Variants in EFR3A observed in about 807,000 individuals in gnomAD.
EFR3A encodes the protein EFR3 homolog A.
EFR3A carries 76 observed loss-of-function variants against 104.4 expected under a neutral mutation model. That is an observed-to-expected ratio of 0.73 (90% CI 0.60 to 0.88). The LOEUF (loss-of-function observed/expected upper bound fraction) is 0.88, where lower values mean the gene tolerates loss of function less well. Ranked by LOEUF, EFR3A falls within the 40% of genes least tolerant of loss-of-function variation. The pLI is 0.00. For synonymous variants in EFR3A, 330 were observed against 330.0 expected (o/e 1.00, Z 0.00); for missense variants, 985 against 1,012.5 (o/e 0.97, Z 0.37).
intron 18 of EFR3A, 48 bp downstream of exon 18, chr8:131,987,750 A>G: frequency 6.5e-7 from 1 of 1,529,914 alleles, no homozygotes; most frequent in Non-Finnish European, 8.8e-7. Context: ...TGCTTATGTT[A>G]TAGTAAATTT....
chr8:132,000,942 C>G (rs768925788), intron 19 of EFR3A: 4 of 152,268 alleles, frequency 2.6e-5, no homozygotes, highest in South Asian at 4.2e-4. Context: ...AGTCTTGCTG[C>G]CTTAGACTTA....
rs761308218 is a variant in EFR3A at position 131,986,252 on chromosome 8, A to G, written c.1928A>G (p.Asp643Gly). 1 of 1,568,378 alleles carries G rather than the reference A, an allele frequency of 6.4e-7. No homozygotes were observed. The highest frequency in any genetic ancestry group is 8.8e-7 in the Non-Finnish European group (1 of 1,141,662). Residue 643 changes from aspartate (D) to glycine (G), a missense_variant, in exon 17 of 23, where the codon GAT (aspartate) becomes GGT (glycine). Transcript: ENST00000254624. Reference protein sequence around the residue: ...PYFLPEHIFRDKCMLPKSLEK... With the variant: ...PYFLPEHIFRGKCMLPKSLEK... ...TTTCTACCAGAGCATATCTTCAGAG[A>G]TAAGTGCATGTATGTTAATTCTTTA...
At chr8:131,911,904 G>A (rs952777855) in intron 1 of EFR3A, among the ~76,000 whole-genome samples, 1 of 152,160 alleles carries the variant, frequency 6.6e-6, no homozygotes, top group Non-Finnish European at 1.5e-5. Context: ...AAACAAGGTA[G>A]GTCAGGTAAT....
At chr8:131,962,818 A>C (rs1819454191) in intron 8 of EFR3A, among the ~76,000 whole-genome samples, 1 of 152,236 alleles carries the variant, frequency 6.6e-6, no homozygotes. Flanking sequence ...CATAGTTGGA[A>C]GTAAAGCACT....
At chr8:131,985,088 T>A (rs1311933929) in intron 16 of EFR3A, 28 bp downstream of exon 16, 1 of 1,578,652 alleles carries the variant, frequency 6.3e-7, no homozygotes, top group Non-Finnish European at 8.6e-7. Flanking sequence ...GTCCTTAAAC[T>A]TGAATTTTGT....
intron 10 of EFR3A, among the ~76,000 whole-genome samples, chr8:131,971,356 T>TA (rs992663067): frequency 6.6e-6 from 1 of 152,176 alleles, no homozygotes; most frequent in African/African-American, 2.4e-5. Context: ...CCCACTTTTT[T>TA]AAAAATAGAA....
At position 132,003,257 on chromosome 8, in the gene EFR3A, C is replaced by T. The variant is rs139120454; in HGVS notation, c.2332C>T (p.Leu778Phe). The T allele has an allele frequency of 6.2e-6, 10 of 1,612,556 alleles. No homozygotes were observed. The African/African-American group carries it at 1.2e-4, about 19-fold the overall frequency. ...ESKANLLHDR[L>F]AQILELTIRP... Reference sequence around the variant, plus strand: ...GCAGGCAAATTTGCTTCATGATAGACTTGCCCAAATATTGGAACTCACCAT... The same window carrying T: ...GCAGGCAAATTTGCTTCATGATAGATTTGCCCAAATATTGGAACTCACCAT... Residue 778 changes from leucine to phenylalanine, a missense_variant, in exon 22 of 23, where the codon CTT (leucine) becomes TTT (phenylalanine). Physicochemically the swap from Leu to Phe is conservative, Grantham distance 22. Coordinates refer to ENST00000254624, the MANE Select transcript of EFR3A (RefSeq NM_015137.6).
At chr8:131,939,115 G>A (rs544998919) in intron 1 of EFR3A, among the ~76,000 whole-genome samples, 114 of 152,138 alleles carry the variant, frequency 7.5e-4, no homozygotes, top group African/African-American at 2.5e-3. Flanking sequence ...TCCTCTTACT[G>A]CATTACTAAT....
intron 12 of EFR3A, among the ~76,000 whole-genome samples, chr8:131,977,400 C>G (rs1460503832): frequency 6.6e-6 from 1 of 152,108 alleles, no homozygotes; most frequent in Non-Finnish European, 1.5e-5. Context: ...ACCAAAGTCA[C>G]TGGGCTAAAA....
chr8:131,950,168 A>T, intron 5 of EFR3A, 78 bp downstream of exon 5: 1 of 1,388,070 alleles, frequency 7.2e-7, no homozygotes, highest in Non-Finnish European at 9.8e-7. Context: ...CATAATGATT[A>T]CCAGAGGAAA....
At chr8:131,976,788 T>C (rs543549311) in intron 11 of EFR3A, among the ~76,000 whole-genome samples, 1 of 152,156 alleles carries the variant, frequency 6.6e-6, no homozygotes, top group Non-Finnish European at 1.5e-5. Context: ...TTATATGATT[T>C]AATTTTCTTG....
chr8:132,011,392 A>C lies in EFR3A; in HGVS notation c.*497A>C. 1 of 986,050 alleles carries C rather than the reference A, an allele frequency of 1.0e-6. No individual in the cohort carries two copies. 61.1% of individuals were successfully genotyped at this position (986,050 alleles called of 1,614,324 possible). A position where few individuals can be genotyped will look rare whatever the true frequency, so the allele number is the denominator to read the frequency against. On this transcript the variant is annotated 3_prime_UTR_variant, in exon 23 of 23. Transcript: ENST00000254624. Reference sequence around the variant, plus strand: ...GCTTTTTGTCCCCATGCTTTAGATAAGCTGGGATAGGCACCTTGCTATTCA... The same window carrying C: ...GCTTTTTGTCCCCATGCTTTAGATACGCTGGGATAGGCACCTTGCTATTCA...
intron 1 of EFR3A, among the ~76,000 whole-genome samples, chr8:131,931,203 G>A (rs1817591510): frequency 6.6e-6 from 1 of 152,002 alleles, no homozygotes; most frequent in Admixed American, 6.6e-5. Flanking sequence ...TTCTTCAGAG[G>A]GCTCATAGGC....
chr8:131,919,458 A>T (rs1236392972), intron 1 of EFR3A, among the ~76,000 whole-genome samples: 2 of 151,928 alleles, frequency 1.3e-5, no homozygotes, highest in Non-Finnish European at 2.9e-5. Context: ...TTAGCCGGGT[A>T]TGGTGGCGGG....
At chr8:132,007,283 G>A (rs1228514315) in intron 22 of EFR3A, among the ~76,000 whole-genome samples, 1 of 151,874 alleles carries the variant, frequency 6.6e-6, no homozygotes, top group Non-Finnish European at 1.5e-5. Flanking sequence ...TGAATTAAAT[G>A]AATTTTAGTA....
At chr8:131,959,807 TG>T (rs1819212008) in intron 8 of EFR3A, 144 bp downstream of exon 8, 1 of 526,128 alleles carries the variant, frequency 1.9e-6, no homozygotes, top group Admixed American at 3.7e-5. Flanking sequence ...CATTTTCATT[TG>T]CTACTTATTT....
intron 12 of EFR3A, 71 bp downstream of exon 12, chr8:131,977,163 A>G: frequency 2.8e-6 from 3 of 1,073,422 alleles, no homozygotes; most frequent in Non-Finnish European, 4.1e-6. Context: ...GAATAGCTTC[A>G]TGTTACAACC....
intron 5 of EFR3A, among the ~76,000 whole-genome samples, 169 bp from the exon 6 acceptor site, chr8:131,953,649 G>T (rs1029792226): frequency 6.6e-6 from 1 of 152,006 alleles, no homozygotes; most frequent in Non-Finnish European, 1.5e-5. Context: ...ACATCTCCAT[G>T]TCTCTTAAAT....
rs549619329 is a variant in EFR3A at position 131,986,399 on chromosome 8, C to T, written c.1937+138C>T. ...ATCATTTTGTGTCTGTCATTTAATTCATTTAATTATTTCCCTTGTTATAAA... is the reference window on the plus strand; with the variant it reads ...ATCATTTTGTGTCTGTCATTTAATTTATTTAATTATTTCCCTTGTTATAAA... On this transcript the variant is annotated intron_variant, in intron 17 of 22. Transcript: ENST00000254624. The T allele has an allele frequency of 3.8e-3, 1,492 of 392,354 alleles. 29 individuals are homozygous for T. The highest frequency in any genetic ancestry group is 1.1e-3 in the East Asian group (21 of 19,988). The allele number at this position is 392,354 out of a possible 1,614,324, so 24.3% of individuals were successfully genotyped here.
Sources: gnomAD v4.1 joint callset for allele counts (sites outside exome capture counted in the v4.1 genomes callset) on GRCh38, gnomAD v4.1.1 for gene constraint, MANE v1.5 for transcripts, NCBI Gene and HGNC (gene_info 2026-07-23, HGNC 2026-07-21) for gene names.